KCNQ4: variants seen among roughly 807,000 people sequenced by gnomAD.
KCNQ4 encodes the protein potassium voltage-gated channel subfamily KQT member 4.
A neutral mutation model predicts 72.6 loss-of-function variants in KCNQ4; 31 were observed. That is an observed-to-expected ratio of 0.43 (90% CI 0.32 to 0.58). The LOEUF is 0.58. Among genes scored for constraint, KCNQ4 ranks in the 20% least tolerant of loss-of-function variants. The pLI is 0.08. For synonymous variants in KCNQ4, 405 were observed against 403.7 expected (o/e 1.00, Z -0.04); for missense variants, 869 against 962.6 (o/e 0.90, Z 1.29).
At chr1:40,793,920 C>T (rs185407551) in intron 1 of KCNQ4, among the ~76,000 whole-genome samples, 6 of 152,234 alleles carry the variant, frequency 3.9e-5, no homozygotes, top group South Asian at 2.1e-4. Context: ...CAGCCCTGTG[C>T]GTTTTTTGCT....
chr1:40,816,308 GC>G (rs1264116456), intron 1 of KCNQ4, among the ~76,000 whole-genome samples: 1 of 152,116 alleles, frequency 6.6e-6, no homozygotes. Context: ...CACCTCATTC[GC>G]CTCTGCTGTG....
At chr1:40,830,601 G>A (rs1383077004) in intron 9 of KCNQ4, among the ~76,000 whole-genome samples, 4 of 151,906 alleles carry the variant, frequency 2.6e-5, no homozygotes, top group Admixed American at 6.5e-5. Flanking sequence ...ACACACCCTC[G>A]ACTCCACACA....
At chr1:40,821,456 C>T (rs1324013326) in intron 7 of KCNQ4, among the ~76,000 whole-genome samples, 1 of 151,916 alleles carries the variant, frequency 6.6e-6, no homozygotes, top group Non-Finnish European at 1.5e-5. Flanking sequence ...GCCACACTCA[C>T]AGTCCCTCCC....
At chr1:40,804,264 G>T (rs1389181521) in intron 1 of KCNQ4, among the ~76,000 whole-genome samples, 1 of 152,178 alleles carries the variant, frequency 6.6e-6, no homozygotes, top group East Asian at 1.9e-4. Flanking sequence ...TTTGAGGTGG[G>T]AGTGAGAGGC....
chr1:40,791,769 A>C (rs1388244037), intron 1 of KCNQ4, among the ~76,000 whole-genome samples: 2 of 152,190 alleles, frequency 1.3e-5, no homozygotes. Flanking sequence ...GTGGGACTGG[A>C]GGAAAGCTCA....
rs5773705 is a variant in KCNQ4 at position 40,832,874 on chromosome 1, G to GC, written c.1514-136dup. ...CTGGGGAGGGCAGTGAGACACAGGA[G>GC]CCCCAAGAAGGTTCTGAGCCCTTTC... On this transcript the variant is annotated intron_variant, in intron 10 of 13. Transcript: ENST00000347132. The GC allele has an allele frequency of 0.93, 634,033 of 682,498 alleles. 295,204 individuals carry two copies. Among genetic ancestry groups the GC allele is most frequent in the East Asian group, 1 (36,325 of 36,330 alleles). 42.3% of individuals were successfully genotyped at this position (682,498 alleles called of 1,614,324 possible). A position where few individuals can be genotyped will look rare whatever the true frequency, so the allele number is the denominator to read the frequency against.
chr1:40,835,520 C>T (rs112868014), intron 12 of KCNQ4, among the ~76,000 whole-genome samples: 26 of 152,336 alleles, frequency 1.7e-4, no homozygotes, highest in Admixed American at 7.8e-4. Context: ...GAAGAATCCT[C>T]ACCCCAAGAC....
At chr1:40,804,579 A>T (rs1456184234) in intron 1 of KCNQ4, among the ~76,000 whole-genome samples, 2 of 152,114 alleles carry the variant, frequency 1.3e-5, no homozygotes, top group Non-Finnish European at 2.9e-5. Context: ...ACTTTGGGAG[A>T]TGGAGGCAGG....
At chr1:40,822,134 C>T (rs1167375263) in intron 7 of KCNQ4, among the ~76,000 whole-genome samples, 180 bp from the exon 8 acceptor site, 1 of 152,222 alleles carries the variant, frequency 6.6e-6, no homozygotes, top group Non-Finnish European at 1.5e-5. Context: ...TCGGGGAAGT[C>T]GTTTCTCCCT....
At chr1:40,792,078 CT>C (rs1259448925) in intron 1 of KCNQ4, among the ~76,000 whole-genome samples, 2 of 152,078 alleles carry the variant, frequency 1.3e-5, no homozygotes, top group Non-Finnish European at 2.9e-5. Flanking sequence ...TACCCACTGG[CT>C]TTTGGGCAGT....
rs1647177823 is a variant in KCNQ4, at chr1:40,783,847, A to T, written c.-247A>T. 1 of 151,662 alleles carries T rather than the reference A, an allele frequency of 6.6e-6. No homozygotes were observed. The highest frequency in any genetic ancestry group is 2.4e-5 in the African/African-American group (1 of 41,182). 9.4% of individuals were successfully genotyped at this position (151,662 alleles called of 1,614,324 possible). ...AGGCGAGCGGCATGGAGCGCGTAAT[A>T]AGAGAGTTGGAGTCGGAAAGAGCAG... On this transcript the variant is annotated 5_prime_UTR_variant, in exon 1 of 14. Coordinates refer to ENST00000347132, the MANE Select transcript of KCNQ4 (RefSeq NM_004700.4). The surrounding 1 kb of genome is among the most constrained non-coding windows in gnomAD (Gnocchi z 4.4).
chr1:40,797,509 A>G (rs1254454895), intron 1 of KCNQ4, among the ~76,000 whole-genome samples: 1 of 152,146 alleles, frequency 6.6e-6, no homozygotes, highest in Non-Finnish European at 1.5e-5. Flanking sequence ...CTCGGCAGTG[A>G]GGACACCGGG....
intron 7 of KCNQ4, among the ~76,000 whole-genome samples, chr1:40,820,781 T>G (rs1648264415): frequency 6.6e-6 from 1 of 151,708 alleles, no homozygotes; most frequent in Non-Finnish European, 1.5e-5. Context: ...GCCAGAGGGG[T>G]GGGTAGGAAG....
At chr1:40,786,236 C>T (rs982326300) in intron 1 of KCNQ4, among the ~76,000 whole-genome samples, 1 of 152,152 alleles carries the variant, frequency 6.6e-6, no homozygotes, top group African/African-American at 2.4e-5. Flanking sequence ...CAAGGCATGG[C>T]AGGGCCTGGG....
At position 40,838,523 on chromosome 1, in the gene KCNQ4, A is replaced by C. The variant is rs757548541; in HGVS notation, c.2088A>C (p.Ter696CysextTer22). 2 of 1,613,956 alleles carry C rather than the reference A, an allele frequency of 1.2e-6. No individual in the cohort carries two copies. The highest frequency in any genetic ancestry group is 1.7e-5 in the Admixed American group (1 of 60,028). ...ISRSVSTNMD[*>C] ...GCTCGGTCAGCACCAACATGGACTGAGGGACTTCTCAGAGGCAGGGCAGCA... is the reference window on the plus strand; with the variant it reads ...GCTCGGTCAGCACCAACATGGACTGCGGGACTTCTCAGAGGCAGGGCAGCA... The change falls in exon 14 of 14, where the codon TGA (stop) becomes TGC (cysteine). Residue 696 changes from the stop codon to cysteine, a stop_lost. Coordinates refer to ENST00000347132, the MANE Select transcript of KCNQ4 (RefSeq NM_004700.4).
intron 1 of KCNQ4, among the ~76,000 whole-genome samples, chr1:40,800,549 A>T (rs1647542457): frequency 6.6e-6 from 1 of 152,092 alleles, no homozygotes; most frequent in Non-Finnish European, 1.5e-5. Flanking sequence ...CCACCCACCC[A>T]CCTACCTCTG....
intron 1 of KCNQ4, among the ~76,000 whole-genome samples, chr1:40,789,615 G>T (rs920760993): frequency 3.9e-5 from 6 of 151,998 alleles, no homozygotes; most frequent in African/African-American, 1.5e-4. Context: ...GAGCCGGTTC[G>T]ATCTCTCACT....
intron 9 of KCNQ4, among the ~76,000 whole-genome samples, chr1:40,824,592 A>G (rs1048685500): frequency 6.6e-6 from 1 of 151,958 alleles, no homozygotes; most frequent in Non-Finnish European, 1.5e-5. Flanking sequence ...CTGCACCCCC[A>G]TCCCTCCCGG....
chr1:40,799,622 C>T lies in KCNQ4; in HGVS notation c.314+15215C>T, dbSNP rs998315761. ...CATGGCAGGAGGCCCTGGCAGCACG[C>T]CCACTGGCCCCCACCAGGGACTGAG... On this transcript the variant is annotated intron_variant, in intron 1 of 13. Transcript: ENST00000347132. Among the ~76,000 whole-genome samples the T allele has an allele frequency of 5.9e-5, 9 of 152,184 alleles. No homozygotes were observed. In the South Asian group the frequency reaches 6.2e-4, roughly 10 times the overall value.
Sources: allele counts gnomAD v4.1 joint callset (sites outside exome capture counted in the v4.1 genomes callset), GRCh38; gene constraint gnomAD v4.1.1; non-coding constraint Gnocchi (gnomAD v3.1); transcripts MANE v1.5; gene names NCBI Gene and HGNC (gene_info 2026-07-23, HGNC 2026-07-21).